Variants in RASGEF1C observed in about 807,000 individuals in gnomAD.
RASGEF1C encodes the protein RasGEF domain family member 1C.
Under a neutral mutation model 58.1 loss-of-function variants are expected in RASGEF1C, and 27 were observed. That is an observed-to-expected ratio of 0.46 (90% CI 0.34 to 0.64). RASGEF1C has a LOEUF of 0.64. Ranked by LOEUF, RASGEF1C falls within the 30% of genes least tolerant of loss-of-function variation. RASGEF1C has a pLI of 0.01. For missense variants in RASGEF1C, 502 were observed against 605.1 expected, an observed-to-expected ratio of 0.83 and a Z score of 1.79; for synonymous variants, 243 against 246.3, an observed-to-expected ratio of 0.99 and a Z score of 0.13.
At chr5:180,190,503 A>ATAAT (rs1756143035) in intron 1 of RASGEF1C, among the ~76,000 whole-genome samples, 2 of 94,626 alleles carry the variant, frequency 2.1e-5, no homozygotes, top group African/African-American at 7.0e-5. Flanking sequence ...AAAAAAAAAA[A>ATAAT]AAAAATAATA....
intron 4 of RASGEF1C, among the ~76,000 whole-genome samples, chr5:180,135,048 C>CCA (rs1554112756): frequency 6.3e-5 from 9 of 143,292 alleles, no homozygotes; most frequent in Admixed American, 4.9e-4. Flanking sequence ...TGTCCCCACC[C>CCA]CCCCCGTCCA....
chr5:180,202,895 G>T (rs889520809), intron 1 of RASGEF1C, among the ~76,000 whole-genome samples: 3 of 151,986 alleles, frequency 2.0e-5, no homozygotes, highest in African/African-American at 7.3e-5. Context: ...GTAGAGACGG[G>T]GTTTCACCGT....
rs187207034 is a variant in RASGEF1C at position 180,177,600 on chromosome 5, T to C, written c.-7+31428A>G. On this transcript the variant is annotated intron_variant, in intron 1 of 13. Transcript: ENST00000361132. The surrounding 1 kb of genome is among the most constrained non-coding windows in gnomAD (Gnocchi z 5.0). ...CAGAGCCCATTTGTCCTTCCTCTCC[T>C]GCCCGTGGTAGGAGGACATGGCCCT... is the stretch of plus-strand genomic sequence containing the variant. Among the ~76,000 whole-genome samples, 127 of 152,258 alleles carry C rather than the reference T, an allele frequency of 8.3e-4. No homozygotes were observed. Among genetic ancestry groups the C allele is most frequent in the Middle Eastern group, 3.4e-3 (1 of 294 alleles).
At chr5:180,136,797 A>C (rs1766487122) in intron 3 of RASGEF1C, 1 of 468,932 alleles carries the variant, frequency 2.1e-6, no homozygotes, top group South Asian at 2.7e-5. Flanking sequence ...GGGAGTCCTC[A>C]GAGCAGGGGA....
At chr5:180,127,907 C>A (rs1766290626) in intron 5 of RASGEF1C, among the ~76,000 whole-genome samples, 1 of 152,186 alleles carries the variant, frequency 6.6e-6, no homozygotes, top group Non-Finnish European at 1.5e-5. Context: ...GGGCAGGGAG[C>A]AATGCTATGA....
rs1756298820 is a variant in RASGEF1C, at chr5:180,197,406, C to T, written c.-7+11622G>A. ...CCTGGGGGTTAACAGAGAGGCACTC[C>T]TGGCTGAGCCTAGCTCAGGCCTGAA... On this transcript the variant is annotated intron_variant, in intron 1 of 13. Coordinates refer to ENST00000361132, the MANE Select transcript of RASGEF1C (RefSeq NM_175062.4). The surrounding 1 kb of genome is among the most constrained non-coding windows in gnomAD (Gnocchi z 4.7). Among the ~76,000 whole-genome samples the T allele has an allele frequency of 6.6e-6, 1 of 152,220 alleles. No homozygotes were observed. The highest frequency in any genetic ancestry group is 1.5e-5 in the Non-Finnish European group (1 of 68,036).
chr5:180,159,576 C>T (rs1404402672), intron 1 of RASGEF1C, among the ~76,000 whole-genome samples: 1 of 152,216 alleles, frequency 6.6e-6, no homozygotes, highest in Admixed American at 6.5e-5. Context: ...ACTCCTTGGC[C>T]ACCACATAGA....
chr5:180,119,188 G>A (rs1265743314), intron 8 of RASGEF1C, among the ~76,000 whole-genome samples, 158 bp downstream of exon 8: 1 of 152,228 alleles, frequency 6.6e-6, no homozygotes, highest in Non-Finnish European at 1.5e-5. Context: ...CTCTGAGGTG[G>A]GGACATGGGG....
At chr5:180,170,633 G>A (rs923437365) in intron 1 of RASGEF1C, among the ~76,000 whole-genome samples, 21 of 152,040 alleles carry the variant, frequency 1.4e-4, no homozygotes, top group Admixed American at 1.2e-3. Flanking sequence ...CTCTTTCATC[G>A]AACCTTCCGG....
intron 1 of RASGEF1C, among the ~76,000 whole-genome samples, chr5:180,191,923 C>T (rs892864420): frequency 3.9e-5 from 6 of 152,158 alleles, no homozygotes; most frequent in Non-Finnish European, 8.8e-5. Context: ...TCCTCTTCCA[C>T]GCTCACTGGT....
rs1159440154 is a variant in RASGEF1C, at chr5:180,197,565, G to A, written c.-7+11463C>T. ...TCAAAAATAGCCCAGACTGTCAACC[G>A]CACAAACCCCAGACAGCAGGCTGAG... On this transcript the variant is annotated intron_variant, in intron 1 of 13. Coordinates refer to ENST00000361132, the MANE Select transcript of RASGEF1C (RefSeq NM_175062.4). The surrounding 1 kb of genome is among the most constrained non-coding windows in gnomAD (Gnocchi z 4.7). 6.6e-6 allele frequency among the ~76,000 whole-genome samples: 1 copy of A among 152,280 alleles called. No homozygotes were observed. The highest frequency in any genetic ancestry group is 1.5e-5 in the Non-Finnish European group (1 of 68,012).
intron 1 of RASGEF1C, among the ~76,000 whole-genome samples, chr5:180,180,759 G>T (rs1767311752): frequency 6.6e-6 from 1 of 152,336 alleles, no homozygotes; most frequent in South Asian, 2.1e-4. Flanking sequence ...CTACATCCTG[G>T]AAAGCACACA....
In RASGEF1C at chr5:180,118,932, C is replaced by T. The variant is rs1172421069; in HGVS notation, c.908-66G>A. Reference sequence around the variant, plus strand: ...CAGGGGGGCCTCTGCGTAGCTGCACCCCCTTGGACTGCACCCTGACCAGGG... The same window carrying T: ...CAGGGGGGCCTCTGCGTAGCTGCACTCCCTTGGACTGCACCCTGACCAGGG... On this transcript the variant is annotated intron_variant, in intron 8 of 13. Coordinates refer to ENST00000361132, the MANE Select transcript of RASGEF1C (RefSeq NM_175062.4). 10 of 1,452,166 alleles carry T rather than the reference C, an allele frequency of 6.9e-6. No individual in the cohort carries two copies. The East Asian group carries it at 2.3e-4, about 33-fold the overall frequency. 90.0% of individuals were successfully genotyped at this position (1,452,166 alleles called of 1,614,324 possible).
chr5:180,154,207 G>A (rs575100336), intron 1 of RASGEF1C, among the ~76,000 whole-genome samples: 54 of 152,188 alleles, frequency 3.5e-4, no homozygotes, highest in East Asian at 1.2e-3. Context: ...AGCTGGCCCC[G>A]GGCACTGTTG....
chr5:180,137,083 C>A lies in RASGEF1C; in HGVS notation c.300+507G>T, dbSNP rs371009243. ...CAGAGGGCGGGAGGGAGACAGGCCA[C>A]GGTGCAGTGCTGTGGTGTGAGGCCC... On this transcript the variant is annotated intron_variant, in intron 3 of 13. Coordinates refer to ENST00000361132, the MANE Select transcript of RASGEF1C (RefSeq NM_175062.4). The surrounding 1 kb of genome is among the most constrained non-coding windows in gnomAD (Gnocchi z 4.1). Among the ~76,000 whole-genome samples, 1 of 152,144 alleles carries A rather than the reference C, an allele frequency of 6.6e-6. No homozygotes were observed. Among genetic ancestry groups the A allele is most frequent in the Non-Finnish European group, 1.5e-5 (1 of 68,022 alleles).
chr5:180,115,290 T>TTA (rs1554111567), intron 10 of RASGEF1C: 384 of 397,920 alleles, frequency 9.7e-4, no homozygotes, highest in Non-Finnish European at 1.4e-3. Context: ...GCCTCCTTTT[T>TTA]AAAAAAAAAA....
At chr5:180,110,148 C>T (rs780185377) in intron 12 of RASGEF1C, among the ~76,000 whole-genome samples, 6 of 152,098 alleles carry the variant, frequency 3.9e-5, no homozygotes, top group Admixed American at 1.3e-4. Flanking sequence ...CACATCACCC[C>T]GCTTTCCAGA....
At chr5:180,126,562 C>T (rs1278780570) in intron 6 of RASGEF1C, among the ~76,000 whole-genome samples, 1 of 152,144 alleles carries the variant, frequency 6.6e-6, no homozygotes, top group Non-Finnish European at 1.5e-5. Context: ...AATGGTCACA[C>T]ACTCTCGCCC....
intron 6 of RASGEF1C, among the ~76,000 whole-genome samples, chr5:180,127,066 C>T (rs1055490487): frequency 1.3e-5 from 2 of 152,206 alleles, no homozygotes; most frequent in Non-Finnish European, 2.9e-5. Flanking sequence ...TTGGATTTAG[C>T]CCGTGGGAGG....
Sources: gnomAD v4.1 joint callset for allele counts (sites outside exome capture counted in the v4.1 genomes callset) on GRCh38, gnomAD v4.1.1 for gene constraint, Gnocchi (gnomAD v3.1) non-coding constraint, MANE v1.5 for transcripts, NCBI Gene and HGNC (gene_info 2026-07-23, HGNC 2026-07-21) for gene names.